Variants in MYO5C observed in about 807,000 individuals in gnomAD.
MYO5C encodes the protein unconventional myosin-Vc.
Under a neutral mutation model 235.7 loss-of-function variants are expected in MYO5C, and 194 were observed. The observed-to-expected ratio is 0.82, with a 90% CI of 0.73 to 0.93. The LOEUF (loss-of-function observed/expected upper bound fraction) is 0.93, where lower values mean the gene tolerates loss of function less well. Ranked by LOEUF, MYO5C falls within the 40% of genes least tolerant of loss-of-function variation. The probability of loss-of-function intolerance (pLI) is 0.00; values close to 1 mark genes in which losing one functional copy is unlikely to be tolerated. For missense variants in MYO5C, 2,038 were observed against 2,127.2 expected (o/e 0.96, Z 0.82); for synonymous variants, 707 against 754.8 (o/e 0.94, Z 1.04).
At chr15:52,294,953 C>G (rs2037466635) in intron 1 of MYO5C, among the ~76,000 whole-genome samples, 1 of 152,230 alleles carries the variant, frequency 6.6e-6, no homozygotes, top group Non-Finnish European at 1.5e-5. Flanking sequence ...GACTGCACCT[C>G]GTGGCCCCTG....
At chr15:52,270,703 T>C (rs927748734) in intron 7 of MYO5C, among the ~76,000 whole-genome samples, 4 of 148,042 alleles carry the variant, frequency 2.7e-5, no homozygotes, top group African/African-American at 9.8e-5. Context: ...TATGTGTATA[T>C]ATATACACAT....
chr15:52,272,550 A>C, intron 6 of MYO5C, 30 bp downstream of exon 6: 1 of 1,608,852 alleles, frequency 6.2e-7, no homozygotes, highest in East Asian at 2.2e-5. Context: ...AATGCTCAAA[A>C]AGTTGGGGAA....
chr15:52,269,648 C>T (rs2036878161), intron 8 of MYO5C, 105 bp downstream of exon 8: 6 of 723,266 alleles, frequency 8.3e-6, no homozygotes, highest in Admixed American at 6.9e-5. Flanking sequence ...ACCTCAGCCT[C>T]CCAAAGTGTT....
At position 52,205,162 on chromosome 15, in the gene MYO5C, G is replaced by C. The variant is rs779257038; in HGVS notation, c.4538-15C>G. 6.2e-7 allele frequency: 1 copy of C among 1,610,626 alleles called. No individual in the cohort carries two copies. Among genetic ancestry groups the C allele is most frequent in the East Asian group, 2.2e-5 (1 of 44,724 alleles). On this transcript the variant is annotated splice_polypyrimidine_tract_variant and intron_variant, in intron 37 of 40. Transcript: ENST00000261839. ...CATTCCCGGAACTGCGGAGAGACAG[G>C]GAGGCTGTGCTGACACGCCAGGAGA...
At chr15:52,236,140 C>T (rs1566973206) in intron 22 of MYO5C, among the ~76,000 whole-genome samples, 4 of 152,234 alleles carry the variant, frequency 2.6e-5, no homozygotes, top group African/African-American at 4.8e-5. Context: ...GGGATTCACA[C>T]TTTGCAACTG....
intron 5 of MYO5C, 142 bp from the exon 6 acceptor site, chr15:52,272,865 A>T: frequency 1.4e-6 from 1 of 728,486 alleles, no homozygotes; most frequent in Non-Finnish European, 2.2e-6. Flanking sequence ...AAAGAAAGCA[A>T]CCCCACGCTG....
intron 32 of MYO5C, among the ~76,000 whole-genome samples, chr15:52,217,796 T>C (rs2035589238): frequency 6.6e-6 from 1 of 152,166 alleles, no homozygotes; most frequent in South Asian, 2.1e-4. Context: ...GAAGGGTACG[T>C]GGGCATGTCC....
chr15:52,229,394 G>T, intron 24 of MYO5C, 81 bp from the exon 25 acceptor site: 1 of 1,351,000 alleles, frequency 7.4e-7, no homozygotes. Flanking sequence ...GGAGGCCAAG[G>T]CAGGCGGATC....
chr15:52,272,180 T>C (rs2036939016), intron 6 of MYO5C, among the ~76,000 whole-genome samples: 1 of 152,232 alleles, frequency 6.6e-6, no homozygotes, highest in African/African-American at 2.4e-5. Context: ...ATGAGAAATT[T>C]CTCCATTTAC....
At chr15:52,256,545 G>A in intron 11 of MYO5C, 94 bp downstream of exon 11, 3 of 833,680 alleles carry the variant, frequency 3.6e-6, no homozygotes, top group East Asian at 2.8e-5. Flanking sequence ...CAAGAAAGAA[G>A]AATGCCTCTT....
chr15:52,220,436 A>G (rs985980631), intron 30 of MYO5C, among the ~76,000 whole-genome samples: 2 of 152,088 alleles, frequency 1.3e-5, no homozygotes, highest in Admixed American at 1.3e-4. Context: ...CACTTCAGCC[A>G]TCACCTCCCG....
chr15:52,277,784 C>T (rs1250182646), intron 4 of MYO5C: 2 of 452,904 alleles, frequency 4.4e-6, no homozygotes, highest in Non-Finnish European at 8.8e-6. Flanking sequence ...TCTGAAGAAG[C>T]TCGGTCTAGC....
chr15:52,284,932 T>C (rs2037230247), intron 1 of MYO5C, among the ~76,000 whole-genome samples: 1 of 151,776 alleles, frequency 6.6e-6, no homozygotes, highest in Admixed American at 6.6e-5. Context: ...CTCGAACTCC[T>C]GGGTTCAAGT....
rs1338115056 is a variant in MYO5C at position 52,229,188 on chromosome 15, T to C, written c.3152A>G (p.His1051Arg). ...MQLQHLVEGEHVTSDGLKAEV... is the reference protein window; with the variant it reads ...MQLQHLVEGERVTSDGLKAEV... ...CGCCTTCAAGCCATCAGAAGTGACG[T>C]GCTCCCCCTCCACCAGGTGTTGGAG... Residue 1051 changes from histidine (H) to arginine (R), a missense_variant, in exon 25 of 41, where the codon CAC becomes CGC. By Grantham distance (29) the His-to-Arg change is conservative. Coordinates refer to ENST00000261839, the MANE Select transcript of MYO5C (RefSeq NM_018728.4). 1.2e-6 allele frequency: 2 copies of C among 1,614,248 alleles called. No homozygotes were observed. Among genetic ancestry groups the C allele is most frequent in the Non-Finnish European group, 1.7e-6 (2 of 1,180,042 alleles).
At chr15:52,254,463 C>G (rs1055776119) in intron 11 of MYO5C, among the ~76,000 whole-genome samples, 1 of 152,028 alleles carries the variant, frequency 6.6e-6, no homozygotes, top group Non-Finnish European at 1.5e-5. Flanking sequence ...AAGGTGGCAC[C>G]GGCACTTCTA....
intron 32 of MYO5C, among the ~76,000 whole-genome samples, chr15:52,215,610 G>A (rs1470093328): frequency 6.6e-6 from 1 of 151,996 alleles, no homozygotes; most frequent in Non-Finnish European, 1.5e-5. Flanking sequence ...TAGAAGTGGC[G>A]GTGTCAGTAC....
At chr15:52,198,208 G>A (rs1444333756) in intron 38 of MYO5C, among the ~76,000 whole-genome samples, 1 of 152,066 alleles carries the variant, frequency 6.6e-6, no homozygotes, top group Admixed American at 6.5e-5. Flanking sequence ...GGTGGCGGAC[G>A]CCTATAATCC....
chr15:52,289,320 A>G (rs1275347343), intron 1 of MYO5C, among the ~76,000 whole-genome samples: 4 of 118,390 alleles, frequency 3.4e-5, no homozygotes, highest in African/African-American at 1.3e-4. Flanking sequence ...CCTCCCACCC[A>G]GATCGTGCAC....
chr15:52,248,668 A>G lies in MYO5C; in HGVS notation c.1746+32T>C, dbSNP rs781694960. The G allele has an allele frequency of 5.5e-6, 8 of 1,457,158 alleles. No homozygotes were observed. In the East Asian group the frequency reaches 9.1e-5, roughly 16 times the overall value. 90.3% of individuals were successfully genotyped at this position (1,457,158 alleles called of 1,614,324 possible). On this transcript the variant is annotated intron_variant, in intron 14 of 40. Transcript: ENST00000261839. ...CATCTAGATCCATGTCAATTATATA[A>G]TAACTTTAGTTACCCCTAGGACTTT...
Sources: gnomAD v4.1 joint callset for allele counts (sites outside exome capture counted in the v4.1 genomes callset) on GRCh38, gnomAD v4.1.1 for gene constraint, MANE v1.5 for transcripts, NCBI Gene and HGNC (gene_info 2026-07-23, HGNC 2026-07-21) for gene names.